CTNNA1: variants seen among roughly 807,000 people sequenced by gnomAD.
CTNNA1 encodes catenin alpha-1.
A neutral mutation model predicts 98.4 loss-of-function variants in CTNNA1; 37 were observed. That is an observed-to-expected ratio of 0.38 (90% CI 0.29 to 0.49). The LOEUF (loss-of-function observed/expected upper bound fraction) is 0.49, where lower values mean the gene tolerates loss of function less well. Ranked by LOEUF, CTNNA1 falls within the 20% of genes least tolerant of loss-of-function variation. The probability of loss-of-function intolerance (pLI) is 0.95; values close to 1 mark genes in which losing one functional copy is unlikely to be tolerated. For missense variants in CTNNA1, 761 were observed against 1,147.2 expected (o/e 0.66, Z 4.86); for synonymous variants, 404 against 413.2 (o/e 0.98, Z 0.27).
At chr5:138,810,785 G>A (rs1479948478) in intron 4 of CTNNA1, among the ~76,000 whole-genome samples, 2 of 152,168 alleles carry the variant, frequency 1.3e-5, no homozygotes, top group Non-Finnish European at 2.9e-5. Flanking sequence ...ATCATGGCCC[G>A]TTCTCAATGA....
At chr5:138,763,953 G>A (rs1048660349) in intron 1 of CTNNA1, among the ~76,000 whole-genome samples, 6 of 152,206 alleles carry the variant, frequency 3.9e-5, no homozygotes, top group Non-Finnish European at 5.9e-5. Context: ...CACTTTGGGA[G>A]GCGGGCAGAT....
chr5:138,827,182 T>C (rs1469235334), intron 6 of CTNNA1, among the ~76,000 whole-genome samples: 2 of 152,256 alleles, frequency 1.3e-5, no homozygotes, highest in African/African-American at 4.8e-5. Context: ...TCCTTGTAAT[T>C]CTCATCTGAT....
In CTNNA1 at chr5:138,924,476, T is replaced by G. The variant is rs28363471; in HGVS notation, c.1547-34T>G. 2.5e-6 allele frequency: 4 copies of G among 1,609,582 alleles called. No individual in the cohort carries two copies. In the East Asian group the frequency reaches 6.7e-5, roughly 27 times the overall value. ...AGTTGCCACCTTTTCATAGAAAGCC[T>G]CCTTCCTCATTCAACTTTTTGCTTG... On this transcript the variant is annotated intron_variant, in intron 11 of 17. Coordinates refer to ENST00000302763, the MANE Select transcript of CTNNA1 (RefSeq NM_001903.5).
chr5:138,934,232 T>A lies in CTNNA1; in HGVS notation c.*143T>A. 1.6e-6 allele frequency: 1 copy of A among 628,480 alleles called. No homozygotes were observed. Among genetic ancestry groups the A allele is most frequent in the Non-Finnish European group, 2.7e-6 (1 of 368,572 alleles). The allele number at this position is 628,480 out of a possible 1,614,324, so 38.9% of individuals were successfully genotyped here. ...GACTGAACCAGTCCAGGTGGTGAATTTTCCAAGAACATAGTTTAAGTTGAT... is the reference window on the plus strand; with the variant it reads ...GACTGAACCAGTCCAGGTGGTGAATATTCCAAGAACATAGTTTAAGTTGAT... On this transcript the variant is annotated 3_prime_UTR_variant, in exon 18 of 18. Coordinates refer to ENST00000302763, the MANE Select transcript of CTNNA1 (RefSeq NM_001903.5).
Position 138,932,610 on chromosome 5 carries a change from G to A in CTNNA1, c.2331G>A (p.Leu777=), listed in dbSNP as rs1765611812. ...ACTCGGCTTGCAAGCAGGACCTGCT[G>A]GCCTACCTGCAACGCATCGCCCTCT... ...CPDSACKQDL[L]AYLQRIALYC... The change falls in exon 17 of 18, where the codon CTG becomes CTA. Residue 777 remains leucine, a synonymous_variant. Transcript: ENST00000302763. The A allele has an allele frequency of 2.5e-6, 4 of 1,614,128 alleles. No homozygotes were observed. The highest frequency in any genetic ancestry group is 3.4e-6 in the Non-Finnish European group (4 of 1,180,016).
At chr5:138,838,167 C>T (rs756366577) in intron 7 of CTNNA1, among the ~76,000 whole-genome samples, 1 of 152,242 alleles carries the variant, frequency 6.6e-6, no homozygotes, top group African/African-American at 2.4e-5. Flanking sequence ...TCCCAAAGTT[C>T]TGGGATTACA....
rs1764792068 is a variant in CTNNA1 at position 138,929,246 on chromosome 5, A to G, written c.1900A>G (p.Thr634Ala). The change falls in exon 14 of 18, where the codon ACC becomes GCC. Residue 634 changes from threonine to alanine, a missense_variant and splice_region_variant. Around this residue, in one of 6 missense-constraint regions of CTNNA1, gnomAD observed 77 missense variants for 198.8 expected, o/e 0.39. Transcript: ENST00000302763. Reference sequence around the variant, plus strand: ...CCTGTGATCTTTGTCTGGGTGGCAGACCCCTGAGGAGTTGGATGACTCTGA... The same window carrying G: ...CCTGTGATCTTTGTCTGGGTGGCAGGCCCCTGAGGAGTTGGATGACTCTGA... The part of the protein sequence containing the change: ...DIRKAVLMIR[T>A]PEELDDSDFE... The G allele has an allele frequency of 1.3e-6, 2 of 1,545,492 alleles. No homozygotes were observed. The highest frequency in any genetic ancestry group is 2.2e-5 in the South Asian group (2 of 89,710).
At chr5:138,849,841 T>TA (rs1407244944) in intron 7 of CTNNA1, among the ~76,000 whole-genome samples, 2 of 152,194 alleles carry the variant, frequency 1.3e-5, no homozygotes, top group African/African-American at 4.8e-5. Context: ...TTTTAATTCT[T>TA]AAAATAGGCA....
rs930857561 is a variant in CTNNA1 at position 138,918,037 on chromosome 5, T to C, written c.1546+139T>C. 6.1e-6 allele frequency: 6 copies of C among 991,412 alleles called. No individual in the cohort carries two copies. The African/African-American group carries it at 6.5e-5, about 11-fold the overall frequency. The allele number at this position is 991,412 out of a possible 1,614,324, so 61.4% of individuals were successfully genotyped here. A position where few individuals can be genotyped will look rare whatever the true frequency, so the allele number is the denominator to read the frequency against. On this transcript the variant is annotated intron_variant, in intron 11 of 17. Transcript: ENST00000302763. Reference sequence around the variant, plus strand: ...AATATTGTGCTGGTTTTCATTTTAATGTTAAAAAAGCTATCAGCTACAGGG... The same window carrying C: ...AATATTGTGCTGGTTTTCATTTTAACGTTAAAAAAGCTATCAGCTACAGGG...
At chr5:138,824,049 C>A (rs1251555257) in intron 5 of CTNNA1, among the ~76,000 whole-genome samples, 1 of 149,744 alleles carries the variant, frequency 6.7e-6, no homozygotes, top group Non-Finnish European at 1.5e-5. Flanking sequence ...TGTATCTCTT[C>A]ATGATCTTTC....
chr5:138,770,131 G>A (rs1279075176), intron 1 of CTNNA1, among the ~76,000 whole-genome samples: 2 of 152,174 alleles, frequency 1.3e-5, no homozygotes, highest in Non-Finnish European at 2.9e-5. Flanking sequence ...CATCGTGCCC[G>A]GTGATACTTT....
intron 7 of CTNNA1, among the ~76,000 whole-genome samples, chr5:138,864,749 T>A (rs908014858): frequency 1.3e-5 from 2 of 152,174 alleles, no homozygotes; most frequent in Non-Finnish European, 2.9e-5. Context: ...ACCAGAGATG[T>A]TGTATGAAAT....
At chr5:138,859,134 T>A (rs1490498618) in intron 7 of CTNNA1, among the ~76,000 whole-genome samples, 1 of 152,238 alleles carries the variant, frequency 6.6e-6, no homozygotes, top group Non-Finnish European at 1.5e-5. Flanking sequence ...GTATTCTTCA[T>A]TGATTAAAAA....
intron 10 of CTNNA1, among the ~76,000 whole-genome samples, chr5:138,905,116 A>G (rs1192584146): frequency 2.0e-5 from 3 of 150,276 alleles, no homozygotes; most frequent in East Asian, 3.9e-4. Context: ...AAAAAAATAC[A>G]TACATACATA....
chr5:138,799,892 G>GTA (rs1457322147), intron 3 of CTNNA1, among the ~76,000 whole-genome samples: 191 of 139,016 alleles, frequency 1.4e-3, no homozygotes, highest in African/African-American at 3.5e-3. Context: ...ATGTATGTAT[G>GTA]TGTGTGTGTA....
At chr5:138,781,269 G>T (rs571390270) in intron 1 of CTNNA1, among the ~76,000 whole-genome samples, 2 of 152,186 alleles carry the variant, frequency 1.3e-5, no homozygotes, top group Non-Finnish European at 2.9e-5. Flanking sequence ...AGTAGCTTTT[G>T]GCCGGGTGCG....
chr5:138,885,478 G>C (rs976366584), intron 7 of CTNNA1, among the ~76,000 whole-genome samples: 1 of 152,092 alleles, frequency 6.6e-6, no homozygotes, highest in Non-Finnish European at 1.5e-5. Context: ...AAAGACTTTT[G>C]TTCCTTTTCT....
intron 9 of CTNNA1, among the ~76,000 whole-genome samples, chr5:138,898,889 G>T (rs1192906363): frequency 1.3e-5 from 2 of 152,002 alleles, no homozygotes; most frequent in South Asian, 2.1e-4. Flanking sequence ...AAATATCTTG[G>T]TTTTTCTAAA....
intron 10 of CTNNA1, among the ~76,000 whole-genome samples, chr5:138,915,160 A>G (rs1482974985): frequency 6.6e-6 from 1 of 152,060 alleles, no homozygotes; most frequent in Non-Finnish European, 1.5e-5. Context: ...AATAAAATAA[A>G]ATAAAATAAA....
Sources: gnomAD v4.1 joint callset for allele counts (sites outside exome capture counted in the v4.1 genomes callset) on GRCh38, gnomAD v4.1.1 for gene constraint, gnomAD v4.1.1 regional missense constraint, MANE v1.5 for transcripts, NCBI Gene and HGNC (gene_info 2026-07-23, HGNC 2026-07-21) for gene names.